DCAF1: variants seen among roughly 807,000 people sequenced by gnomAD.
The protein encoded by DCAF1 is DDB1 and CUL4 associated factor 1, also known as DDB1- and CUL4-associated factor 1.
DCAF1 carries 15 observed loss-of-function variants against 128.0 expected under a neutral mutation model. That is an observed-to-expected ratio of 0.12 (90% CI 0.08 to 0.18). DCAF1 has a LOEUF of 0.18. DCAF1 is among the 10% of genes least tolerant of loss of function. The probability of loss-of-function intolerance (pLI) is 1.00; values close to 1 mark genes in which losing one functional copy is unlikely to be tolerated. For missense variants in DCAF1, 988 were observed against 1,649.5 expected (o/e 0.60, Z 6.95); for synonymous variants, 610 against 603.0 (o/e 1.01, Z -0.17).
rs1708690634 is a variant in DCAF1 at position 51,499,955 on chromosome 3, TCA to T, written c.-140_-139del. ...ACACACACAGCCTCAGGTCCCGCAC[TCA>T]CTCTCCACTCACACACACACACAGC... On this transcript the variant is annotated 5_prime_UTR_variant, in exon 1 of 25. Coordinates refer to ENST00000684031, the MANE Select transcript of DCAF1 (RefSeq NM_001387579.1). The T allele has an allele frequency of 1.1e-5, 1 of 93,850 alleles. No homozygotes were observed. The highest frequency in any genetic ancestry group is 4.1e-4 in the South Asian group (1 of 2,442). 5.8% of individuals were successfully genotyped at this position (93,850 alleles called of 1,614,324 possible). A position where few individuals can be genotyped will look rare whatever the true frequency, so the allele number is the denominator to read the frequency against.
In DCAF1 at chr3:51,403,140, T is replaced by C; in HGVS notation, c.4465+3A>G. 1.9e-6 allele frequency: 3 copies of C among 1,608,828 alleles called. No homozygotes were observed. The highest frequency in any genetic ancestry group is 2.5e-6 in the Non-Finnish European group (3 of 1,176,804). On this transcript the variant is annotated splice_donor_region_variant and intron_variant, in intron 24 of 24. Transcript: ENST00000684031. Reference sequence around the variant, plus strand: ...CTCAGCCTGAACTCTGCCCTATACTTACTGTCCCCCAGGATCAGTTCCACC... The same window carrying C: ...CTCAGCCTGAACTCTGCCCTATACTCACTGTCCCCCAGGATCAGTTCCACC...
chr3:51,447,779 C>G (rs573655686), intron 6 of DCAF1, among the ~76,000 whole-genome samples: 2 of 152,188 alleles, frequency 1.3e-5, no homozygotes, highest in African/African-American at 4.8e-5. Flanking sequence ...AAAACTGCAT[C>G]TCTACTAAAA....
intron 2 of DCAF1, among the ~76,000 whole-genome samples, chr3:51,494,492 C>T (rs560939644): frequency 4.5e-4 from 69 of 152,210 alleles, no homozygotes; most frequent in African/African-American, 1.6e-3. Flanking sequence ...AATCTACAAA[C>T]GCCACTGATT....
chr3:51,474,448 A>C (rs962395001), intron 3 of DCAF1, among the ~76,000 whole-genome samples: 4 of 152,136 alleles, frequency 2.6e-5, no homozygotes, highest in Non-Finnish European at 5.9e-5. Context: ...AATATAAAAG[A>C]GTTAAACTCT....
chr3:51,461,910 T>C (rs1553644679), intron 6 of DCAF1, among the ~76,000 whole-genome samples: 1 of 151,846 alleles, frequency 6.6e-6, no homozygotes, highest in African/African-American at 2.4e-5. Context: ...TGGGGACTGT[T>C]GTGGGGTGGG....
intron 15 of DCAF1, 48 bp downstream of exon 15, chr3:51,419,686 A>G: frequency 1.3e-6 from 2 of 1,541,388 alleles, no homozygotes; most frequent in Non-Finnish European, 1.7e-6. Context: ...TGATTTAAAT[A>G]AAAGAATCAT....
At chr3:51,440,554 G>T (rs782413073) in intron 9 of DCAF1, among the ~76,000 whole-genome samples, 10 of 152,066 alleles carry the variant, frequency 6.6e-5, no homozygotes, top group African/African-American at 2.4e-4. Context: ...AGTGAGCTAT[G>T]ATCACCCCAT....
chr3:51,464,722 G>T (rs1460724599), intron 5 of DCAF1, among the ~76,000 whole-genome samples: 1 of 151,926 alleles, frequency 6.6e-6, no homozygotes, highest in Non-Finnish European at 1.5e-5. Flanking sequence ...GGTGACAGTT[G>T]GGAAAACAAG....
At chr3:51,442,061 A>C (rs1297881117) in intron 7 of DCAF1, among the ~76,000 whole-genome samples, 164 bp from the exon 8 acceptor site, 1 of 152,204 alleles carries the variant, frequency 6.6e-6, no homozygotes, top group Non-Finnish European at 1.5e-5. Context: ...CTATAAGTTG[A>C]TGAAATAAGT....
intron 10 of DCAF1, 29 bp from the exon 11 acceptor site, chr3:51,430,241 T>C (rs1485638076): frequency 1.3e-6 from 1 of 764,422 alleles, no homozygotes; most frequent in Non-Finnish European, 2.5e-6. Flanking sequence ...AAAACAATGC[T>C]TTTAAATTGT....
At chr3:51,409,064 C>CTCT (rs1425629447) in intron 23 of DCAF1, among the ~76,000 whole-genome samples, 1 of 152,172 alleles carries the variant, frequency 6.6e-6, no homozygotes, top group East Asian at 1.9e-4. Flanking sequence ...CTGAGGCAGC[C>CTCT]TCTTGCTTTC....
chr3:51,441,325 A>G, intron 8 of DCAF1, 60 bp downstream of exon 8: 2 of 1,521,226 alleles, frequency 1.3e-6, no homozygotes, highest in South Asian at 1.3e-5. Context: ...ACCATAAAAT[A>G]CCACAGAAAT....
intron 4 of DCAF1, among the ~76,000 whole-genome samples, chr3:51,469,950 A>G (rs1553647900): frequency 6.6e-6 from 1 of 152,136 alleles, no homozygotes; most frequent in East Asian, 1.9e-4. Flanking sequence ...GAACCCAAGA[A>G]GCAGTGGTTG....
intron 9 of DCAF1, chr3:51,436,458 A>G (rs868987493): frequency 3.8e-6 from 2 of 519,588 alleles, no homozygotes; most frequent in East Asian, 5.4e-5. Context: ...CATGTCAGCC[A>G]TAACCCTTAT....
At chr3:51,409,522 GACAA>G (rs1553627757) in intron 23 of DCAF1, among the ~76,000 whole-genome samples, 11 of 152,252 alleles carry the variant, frequency 7.2e-5, no homozygotes, top group African/African-American at 2.4e-5. Context: ...TAATGATGTT[GACAA>G]ACAATCCAGT....
intron 12 of DCAF1, among the ~76,000 whole-genome samples, chr3:51,427,765 T>G (rs374639697): frequency 6.6e-6 from 1 of 152,128 alleles, no homozygotes; most frequent in African/African-American, 2.4e-5. Context: ...CCCAAGTAGC[T>G]AGAACCACAG....
chr3:51,422,646 C>G (rs181492361), intron 13 of DCAF1, among the ~76,000 whole-genome samples: 57 of 152,246 alleles, frequency 3.7e-4, no homozygotes, highest in Non-Finnish European at 6.9e-4. Flanking sequence ...GGAATTTTTA[C>G]CTATTAAACT....
At chr3:51,403,511 A>G (rs781673398) in intron 23 of DCAF1, 116 bp from the exon 24 acceptor site, 9 of 1,463,830 alleles carry the variant, frequency 6.1e-6, no homozygotes, top group Non-Finnish European at 8.1e-6. Flanking sequence ...GGTAGTAGTG[A>G]TCTAGACGAG....
At chr3:51,470,833 T>A in intron 4 of DCAF1, 96 bp downstream of exon 4, 1 of 840,526 alleles carries the variant, frequency 1.2e-6, no homozygotes, top group South Asian at 2.8e-5. Context: ...CCATAAGCAA[T>A]TTTTCTTTTT....
Sources: gnomAD v4.1 joint callset for allele counts (sites outside exome capture counted in the v4.1 genomes callset) on GRCh38, gnomAD v4.1.1 for gene constraint, MANE v1.5 for transcripts, NCBI Gene and HGNC (gene_info 2026-07-23, HGNC 2026-07-21) for gene names.